Variants in NF1 observed in about 807,000 individuals in gnomAD.
NF1 encodes neurofibromin 1.
NF1 carries 122 observed loss-of-function variants against 325.7 expected under a neutral mutation model. The ratio of observed to expected loss-of-function variants is 0.37; its 90% CI spans 0.32 to 0.44. The LOEUF is 0.44. Ranked by LOEUF, NF1 falls within the 20% of genes least tolerant of loss-of-function variation. The pLI, the probability that NF1 is intolerant of heterozygous loss-of-function variation, is 1.00. For missense variants in NF1, 2,140 were observed against 3,415.4 expected (o/e 0.63, Z 9.31); for synonymous variants, 1,091 against 1,186.0 (o/e 0.92, Z 1.65).
chr17:31,223,860 G>C (rs955148298), intron 16 of NF1, among the ~76,000 whole-genome samples: 1 of 152,176 alleles, frequency 6.6e-6, no homozygotes, highest in African/African-American at 2.4e-5. Flanking sequence ...AACCAGAGTA[G>C]CTTGAGGAGC....
chr17:31,125,158 T>A (rs1275685461), intron 1 of NF1, among the ~76,000 whole-genome samples: 1 of 152,156 alleles, frequency 6.6e-6, no homozygotes, highest in Non-Finnish European at 1.5e-5. Context: ...AACAATGTAT[T>A]GCTTTGTTTA....
chr17:31,351,466 G>A (rs1480863365), intron 50 of NF1, among the ~76,000 whole-genome samples: 2 of 151,880 alleles, frequency 1.3e-5, no homozygotes, highest in African/African-American at 4.8e-5. Context: ...GCCCAGGCTG[G>A]AGTGCAGTAA....
intron 1 of NF1, among the ~76,000 whole-genome samples, chr17:31,154,390 T>G (rs74256967): frequency 1.3e-5 from 2 of 151,992 alleles, no homozygotes; most frequent in East Asian, 1.9e-4. Context: ...CTTAGGGAGA[T>G]TCACCAGCTG....
At chr17:31,110,647 T>A (rs1913317742) in intron 1 of NF1, among the ~76,000 whole-genome samples, 1 of 152,112 alleles carries the variant, frequency 6.6e-6, no homozygotes, top group South Asian at 2.1e-4. Flanking sequence ...CTCAGAAAAT[T>A]GAAGTTCATC....
At chr17:31,223,784 A>G (rs2066967538) in intron 16 of NF1, among the ~76,000 whole-genome samples, 2 of 152,268 alleles carry the variant, frequency 1.3e-5, no homozygotes, top group Admixed American at 1.3e-4. Flanking sequence ...CTGTTGATGA[A>G]TTCTAGTTCT....
At chr17:31,153,868 CCT>C (rs1377841614) in intron 1 of NF1, among the ~76,000 whole-genome samples, 3 of 151,590 alleles carry the variant, frequency 2.0e-5, no homozygotes, top group African/African-American at 7.3e-5. Context: ...CCTGCCTCAG[CCT>C]CTCAAAGTGC....
chr17:31,230,955 T>C (rs1420684872), intron 24 of NF1, 30 bp downstream of exon 24: 3 of 1,518,242 alleles, frequency 2.0e-6, no homozygotes, highest in African/African-American at 2.7e-5. Flanking sequence ...CAAGTATTAG[T>C]GGGTTTTACT....
At chr17:31,254,687 CTTTA>C (rs2067552745) in intron 31 of NF1, among the ~76,000 whole-genome samples, 1 of 151,924 alleles carries the variant, frequency 6.6e-6, no homozygotes, top group Non-Finnish European at 1.5e-5. Context: ...TCTAACACTG[CTTTA>C]TTTATTAAGA....
At chr17:31,308,068 T>C (rs2068771070) in intron 36 of NF1, 2 of 370,206 alleles carry the variant, frequency 5.4e-6, no homozygotes, top group Non-Finnish European at 1.0e-5. Flanking sequence ...GCTGAATTAA[T>C]CTTAAAAGTG....
At chr17:31,162,028 T>TC (rs1258701130) in intron 3 of NF1, among the ~76,000 whole-genome samples, 2 of 84,316 alleles carry the variant, frequency 2.4e-5, no homozygotes, top group Non-Finnish European at 4.3e-5. Context: ...AGAGCGAGAC[T>TC]CCATCTCAAA....
intron 1 of NF1, among the ~76,000 whole-genome samples, chr17:31,135,128 TC>T (rs1915669142): frequency 1.3e-5 from 2 of 152,232 alleles, no homozygotes; most frequent in Admixed American, 6.5e-5. Flanking sequence ...AAATTCTGAT[TC>T]TTTTTTGTCT....
At chr17:31,165,483 A>T (rs867714595) in intron 4 of NF1, among the ~76,000 whole-genome samples, 9 of 152,196 alleles carry the variant, frequency 5.9e-5, no homozygotes, top group African/African-American at 2.2e-4. Context: ...TCGTCATAGT[A>T]TTAGGTGACT....
At chr17:31,101,666 T>C (rs1912351742) in intron 1 of NF1, among the ~76,000 whole-genome samples, 1 of 152,208 alleles carries the variant, frequency 6.6e-6, no homozygotes, top group South Asian at 2.1e-4. Flanking sequence ...ATTCCTCCTT[T>C]GTGCTTTTCT....
At chr17:31,194,167 A>G (rs2066395597) in intron 8 of NF1, among the ~76,000 whole-genome samples, 1 of 152,216 alleles carries the variant, frequency 6.6e-6, no homozygotes, top group African/African-American at 2.4e-5. Flanking sequence ...ATGCGTAAAG[A>G]AAATATGGTA....
intron 1 of NF1, among the ~76,000 whole-genome samples, chr17:31,120,196 G>A (rs1955112561): frequency 6.6e-6 from 1 of 152,140 alleles, no homozygotes. Flanking sequence ...AAATTACTTT[G>A]TGTAGTACAG....
intron 48 of NF1, among the ~76,000 whole-genome samples, chr17:31,346,882 C>T (rs1313214706): frequency 2.4e-5 from 3 of 127,320 alleles, no homozygotes; most frequent in Non-Finnish European, 4.8e-5. Context: ...ATAGTTATTG[C>T]TCTTATCCCT....
At position 31,375,189 on chromosome 17, in the gene NF1, AT is replaced by A; in HGVS notation, c.*1038del. ...GACATTTAGGGTAGCTGATATTTTT[AT>A]TTTGTTAAATAATTTCCAAGAATAG... On this transcript the variant is annotated 3_prime_UTR_variant, in exon 58 of 58. Coordinates refer to ENST00000358273, the MANE Select transcript of NF1 (RefSeq NM_001042492.3). The A allele has an allele frequency of 4.5e-6, 1 of 223,216 alleles. No individual in the cohort carries two copies. Among genetic ancestry groups the A allele is most frequent in the Non-Finnish European group, 9.0e-6 (1 of 111,346 alleles). The allele number at this position is 223,216 out of a possible 1,614,324, so 13.8% of individuals were successfully genotyped here. A position where few individuals can be genotyped will look rare whatever the true frequency, so the allele number is the denominator to read the frequency against.
chr17:31,365,358 T>C (rs1258470440), intron 57 of NF1, among the ~76,000 whole-genome samples: 1 of 150,940 alleles, frequency 6.6e-6, no homozygotes, highest in Non-Finnish European at 1.5e-5. Flanking sequence ...ATTTAATATA[T>C]ACTTTATCAG....
intron 36 of NF1, chr17:31,305,123 C>A (rs753713499): frequency 6.2e-7 from 1 of 1,614,084 alleles, no homozygotes; most frequent in Non-Finnish European, 8.5e-7. Context: ...GGATTATGAA[C>A]AGTTATTTGT....
Sources: allele counts gnomAD v4.1 joint callset (sites outside exome capture counted in the v4.1 genomes callset), GRCh38; gene constraint gnomAD v4.1.1; transcripts MANE v1.5; gene names NCBI Gene and HGNC (gene_info 2026-07-23, HGNC 2026-07-21).